Variants in UBE2E3 observed in about 807,000 individuals in gnomAD.
UBE2E3 encodes the protein ubiquitin conjugating enzyme E2 E3.
UBE2E3 carries 5 observed loss-of-function variants against 23.6 expected under a neutral mutation model. The observed-to-expected ratio is 0.21, with a 90% CI of 0.11 to 0.44. UBE2E3 has a LOEUF of 0.44. Among genes scored for constraint, UBE2E3 ranks in the 20% least tolerant of loss-of-function variants. The probability of loss-of-function intolerance (pLI) is 0.99; values close to 1 mark genes in which losing one functional copy is unlikely to be tolerated. For missense variants in UBE2E3, 81 were observed against 249.8 expected (o/e 0.32, Z 4.55); for synonymous variants, 78 against 87.5 (o/e 0.89, Z 0.60).
intron 3 of UBE2E3, among the ~76,000 whole-genome samples, chr2:181,007,263 C>G (rs1290486423): frequency 2.6e-5 from 4 of 152,168 alleles, no homozygotes; most frequent in Non-Finnish European, 4.4e-5. Context: ...ATTTTTGAGC[C>G]TAATTAAAAT....
At chr2:181,046,329 C>T (rs373854990) in intron 3 of UBE2E3, among the ~76,000 whole-genome samples, 1 of 152,162 alleles carries the variant, frequency 6.6e-6, no homozygotes, top group South Asian at 2.1e-4. Context: ...AACACAAATA[C>T]TTGCTAGCAG....
At chr2:180,996,472 C>T (rs1001954317) in intron 3 of UBE2E3, among the ~76,000 whole-genome samples, 4 of 151,974 alleles carry the variant, frequency 2.6e-5, no homozygotes, top group African/African-American at 9.7e-5. Context: ...AAATATTAAC[C>T]CTGTTGTTAA....
intron 3 of UBE2E3, among the ~76,000 whole-genome samples, chr2:181,002,247 C>A (rs115686291): frequency 6.6e-6 from 1 of 152,084 alleles, no homozygotes; most frequent in South Asian, 2.1e-4. Flanking sequence ...AGTACTAGTA[C>A]ACAATTAACA....
At chr2:181,018,599 T>G (rs1306442397) in intron 3 of UBE2E3, among the ~76,000 whole-genome samples, 12 of 32,706 alleles carry the variant, frequency 3.7e-4, no homozygotes, top group African/African-American at 7.2e-4. Context: ...AATTTCTGTG[T>G]TTTTTTTTTT....
intron 3 of UBE2E3, among the ~76,000 whole-genome samples, chr2:181,004,286 T>G (rs1250485599): frequency 1.3e-5 from 2 of 152,208 alleles, no homozygotes; most frequent in African/African-American, 2.4e-5. Flanking sequence ...AACATAATGT[T>G]AATATTTTAA....
At chr2:181,048,438 CATA>C (rs1269497620) in intron 3 of UBE2E3, among the ~76,000 whole-genome samples, 1 of 152,048 alleles carries the variant, frequency 6.6e-6, no homozygotes, top group Non-Finnish European at 1.5e-5. Flanking sequence ...AAAGTAAATT[CATA>C]GGTTCACAAG....
chr2:181,045,546 T>C (rs1686649565), intron 3 of UBE2E3, among the ~76,000 whole-genome samples: 1 of 152,204 alleles, frequency 6.6e-6, no homozygotes, highest in African/African-American at 2.4e-5. Flanking sequence ...TTTTGAATCA[T>C]GGCTGAGCAT....
intron 3 of UBE2E3, among the ~76,000 whole-genome samples, chr2:181,004,713 A>G (rs538691649): frequency 3.9e-5 from 6 of 152,246 alleles, no homozygotes; most frequent in Non-Finnish European, 7.4e-5. Flanking sequence ...CAGTTTATGT[A>G]TATGTCCTTT....
At chr2:181,060,860 GCTTTT>G in intron 5 of UBE2E3, 48 bp downstream of exon 5, 1 of 327,146 alleles carries the variant, frequency 3.1e-6, no homozygotes, top group South Asian at 6.7e-5. Flanking sequence ...AAAAACGAGT[GCTTTT>G]TTTTTTTTTT....
intron 3 of UBE2E3, among the ~76,000 whole-genome samples, chr2:181,010,374 G>A (rs894489128): frequency 3.3e-5 from 5 of 151,906 alleles, no homozygotes; most frequent in African/African-American, 1.2e-4. Flanking sequence ...TTTTTTTGAG[G>A]TCGTCACTTT....
intron 3 of UBE2E3, among the ~76,000 whole-genome samples, chr2:181,031,424 T>C (rs767860387): frequency 7.9e-5 from 12 of 152,208 alleles, no homozygotes; most frequent in Non-Finnish European, 1.2e-4. Flanking sequence ...TTTTATTATG[T>C]AGAGCAAGCT....
intron 3 of UBE2E3, among the ~76,000 whole-genome samples, chr2:181,033,539 T>G (rs528262238): frequency 1.8e-4 from 27 of 152,094 alleles, no homozygotes; most frequent in African/African-American, 6.3e-4. Flanking sequence ...TCAAGATGGA[T>G]TAAAGACTTA....
intron 3 of UBE2E3, among the ~76,000 whole-genome samples, chr2:181,017,873 C>T (rs1428523693): frequency 9.3e-5 from 14 of 150,404 alleles, no homozygotes; most frequent in African/African-American, 3.2e-4. Flanking sequence ...TGACGAGGGC[C>T]CTGTTGCTAC....
Position 180,980,950 on chromosome 2 carries a change from G to A in UBE2E3, c.-49G>A, listed in dbSNP as rs1684265788. The A allele has an allele frequency of 6.9e-6, 1 of 145,630 alleles. No individual in the cohort carries two copies. The highest frequency in any genetic ancestry group is 6.8e-5 in the Admixed American group (1 of 14,678). 9.0% of individuals were successfully genotyped at this position (145,630 alleles called of 1,614,324 possible). On this transcript the variant is annotated 5_prime_UTR_variant, in exon 1 of 6. Transcript: ENST00000410062. This position sits in a 1 kb window ranked among gnomAD's most constrained non-coding sequence, Gnocchi z 5.5. ...CCTCCCCCACACCGTAGCGGCGCGC[G>A]AGCGGGCCGGGCGGGCGGCCGAGGT...
chr2:180,985,930 C>T (rs2105566682), intron 3 of UBE2E3, among the ~76,000 whole-genome samples: 1 of 148,358 alleles, frequency 6.7e-6, no homozygotes, highest in East Asian at 1.9e-4. Context: ...ATCTACTTTA[C>T]ATGTTTAACT....
chr2:181,044,986 A>G (rs1686627888), intron 3 of UBE2E3, among the ~76,000 whole-genome samples: 1 of 152,210 alleles, frequency 6.6e-6, no homozygotes, highest in South Asian at 2.1e-4. Flanking sequence ...GTGTTTACAT[A>G]GGACACTAAA....
chr2:180,989,328 C>T (rs545991422), intron 3 of UBE2E3, among the ~76,000 whole-genome samples: 2 of 152,194 alleles, frequency 1.3e-5, no homozygotes, highest in South Asian at 2.1e-4. Context: ...CTTTTCCTTA[C>T]TTCACATGGT....
intron 3 of UBE2E3, among the ~76,000 whole-genome samples, chr2:181,046,151 C>T (rs1686667625): frequency 6.6e-6 from 1 of 152,144 alleles, no homozygotes; most frequent in African/African-American, 2.4e-5. Context: ...GAGTACCCCA[C>T]ATAAGTGCCA....
chr2:181,023,014 A>G (rs948839585), intron 3 of UBE2E3, among the ~76,000 whole-genome samples: 1 of 152,242 alleles, frequency 6.6e-6, no homozygotes, highest in Admixed American at 6.5e-5. Flanking sequence ...GTTCCACTTA[A>G]TGTTTTTTAC....
Sources: allele counts gnomAD v4.1 joint callset (sites outside exome capture counted in the v4.1 genomes callset), GRCh38; gene constraint gnomAD v4.1.1; non-coding constraint Gnocchi (gnomAD v3.1); transcripts MANE v1.5; gene names NCBI Gene and HGNC (gene_info 2026-07-23, HGNC 2026-07-21).